The following ENG variants were observed in gnomAD, a reference collection of about 807,000 sequenced individuals.
ENG encodes the protein endoglin, also known as CD105 antigen.
Under a neutral mutation model 71.0 loss-of-function variants are expected in ENG, and 17 were observed. The ratio of observed to expected loss-of-function variants is 0.24; its 90% CI spans 0.16 to 0.36. ENG has a LOEUF of 0.36. Ranked by LOEUF, ENG falls within the 10% of genes least tolerant of loss-of-function variation. The pLI, the probability that ENG is intolerant of heterozygous loss-of-function variation, is 1.00. For synonymous variants in ENG, 360 were observed against 366.9 expected (o/e 0.98, Z 0.21); for missense variants, 749 against 868.3 (o/e 0.86, Z 1.73).
At chr9:127,819,552 G>T in intron 10 of ENG, 70 bp downstream of exon 10, 1 of 1,605,786 alleles carries the variant, frequency 6.2e-7, no homozygotes, top group Non-Finnish European at 8.5e-7. Flanking sequence ...TCCCTCCCAG[G>T]CCAGGAAGAG....
At chr9:127,826,140 A>G (rs946772152) in intron 4 of ENG, among the ~76,000 whole-genome samples, 3 of 152,098 alleles carry the variant, frequency 2.0e-5, no homozygotes, top group Non-Finnish European at 2.9e-5. Flanking sequence ...GAAATTATAG[A>G]TTTATCTGTG....
At chr9:127,850,227 T>C (rs1158455820) in intron 1 of ENG, among the ~76,000 whole-genome samples, 1 of 152,018 alleles carries the variant, frequency 6.6e-6, no homozygotes, top group African/African-American at 2.4e-5. Flanking sequence ...CGGCCTGGAG[T>C]TGAAATCTGG....
intron 3 of ENG, 75 bp downstream of exon 3, chr9:127,829,612 C>T: frequency 6.3e-7 from 1 of 1,595,226 alleles, no homozygotes; most frequent in Non-Finnish European, 8.6e-7. Flanking sequence ...GTGGGAGACC[C>T]TGACCCACAG....
At chr9:127,837,790 C>CCATG (rs1830939033) in intron 2 of ENG, among the ~76,000 whole-genome samples, 1 of 135,752 alleles carries the variant, frequency 7.4e-6, no homozygotes, top group Admixed American at 7.1e-5. Context: ...ATCCATCCAT[C>CCATG]CATCCATCCA....
intron 2 of ENG, among the ~76,000 whole-genome samples, chr9:127,839,787 C>T (rs1830983922): frequency 6.6e-6 from 1 of 152,114 alleles, no homozygotes; most frequent in Non-Finnish European, 1.5e-5. Context: ...AACTCCTGAC[C>T]TCAAGTGATC....
At chr9:127,823,005 T>C (rs1374347667) in intron 8 of ENG, among the ~76,000 whole-genome samples, 1 of 151,822 alleles carries the variant, frequency 6.6e-6, no homozygotes, top group African/African-American at 2.4e-5. Flanking sequence ...CACGTCCGGC[T>C]AATTTTTTCT....
chr9:127,843,063 C>G (rs763916270), intron 2 of ENG, 31 bp downstream of exon 2: 1 of 1,613,264 alleles, frequency 6.2e-7, no homozygotes, highest in Non-Finnish European at 8.5e-7. Context: ...TTCCTCTGAG[C>G]CCCCACCCGA....
In ENG at chr9:127,854,471, G is replaced by A. The variant is rs1829099806; in HGVS notation, c.-116C>T. On this transcript the variant is annotated 5_prime_UTR_variant, in exon 1 of 15. Transcript: ENST00000373203. ...GGGGACCCGAGGGGAGCAGGCGGCC[G>A]GAGCGACGGCGTCCCTGCTCCAGCC... The A allele has an allele frequency of 6.0e-6, 7 of 1,168,462 alleles. No individual in the cohort carries two copies. Among genetic ancestry groups the A allele is most frequent in the East Asian group, 5.4e-5 (2 of 37,320 alleles). The allele number at this position is 1,168,462 out of a possible 1,614,324, so 72.4% of individuals were successfully genotyped here. A position where few individuals can be genotyped will look rare whatever the true frequency, so the allele number is the denominator to read the frequency against.
At position 127,825,985 on chromosome 9, in the gene ENG, G is replaced by A. The variant is rs977177649; in HGVS notation, c.524-125C>T. 43 of 1,294,140 alleles carry A rather than the reference G, an allele frequency of 3.3e-5. No homozygotes were observed. The African/African-American group carries it at 4.3e-4, about 13-fold the overall frequency. The allele number at this position is 1,294,140 out of a possible 1,614,324, so 80.2% of individuals were successfully genotyped here. A position where few individuals can be genotyped will look rare whatever the true frequency, so the allele number is the denominator to read the frequency against. On this transcript the variant is annotated intron_variant, in intron 4 of 14. Transcript: ENST00000373203. Reference sequence around the variant, plus strand: ...GACGGTGCTGCAGAGGGGGAGAGGCGTCAGAGGACCTAGGTTCGAACTTCC... The same window carrying A: ...GACGGTGCTGCAGAGGGGGAGAGGCATCAGAGGACCTAGGTTCGAACTTCC...
intron 1 of ENG, among the ~76,000 whole-genome samples, chr9:127,849,624 G>C (rs965146734): frequency 6.6e-6 from 1 of 152,192 alleles, no homozygotes; most frequent in African/African-American, 2.4e-5. Flanking sequence ...GGCATAGATG[G>C]GGCTGCTGAA....
chr9:127,838,477 G>A lies in ENG; in HGVS notation c.219+4617C>T, dbSNP rs1224519646. ...GTCTGGGGGAGCTAAGGTCCCTCCC[G>A]GCTCTCTCTCTCTGCCTGAGTGGTG... On this transcript the variant is annotated intron_variant, in intron 2 of 14. Transcript: ENST00000373203. The surrounding 1 kb of genome is among the most constrained non-coding windows in gnomAD (Gnocchi z 4.3). Among the ~76,000 whole-genome samples, 6 of 152,056 alleles carry A rather than the reference G, an allele frequency of 3.9e-5. No individual in the cohort carries two copies. The highest frequency in any genetic ancestry group is 9.7e-5 in the African/African-American group (4 of 41,420).
intron 13 of ENG, chr9:127,816,258 G>C: frequency 1.5e-6 from 1 of 684,050 alleles, no homozygotes; most frequent in Non-Finnish European, 2.5e-6. Flanking sequence ...TGTCCACCTA[G>C]AGGGCCCAGC....
chr9:127,816,168 C>G (rs919597400), intron 13 of ENG, 115 bp from the exon 14 acceptor site: 1 of 1,286,786 alleles, frequency 7.8e-7, no homozygotes, highest in Non-Finnish European at 1.1e-6. Flanking sequence ...GGACCCTCGA[C>G]TTCTCTGAAC....
chr9:127,816,741 C>T, intron 13 of ENG: 1 of 307,966 alleles, frequency 3.2e-6, no homozygotes, highest in Admixed American at 4.3e-5. Context: ...CTGGGGGGAA[C>T]TGATGGAGAG....
chr9:127,820,108 G>C, intron 8 of ENG, 71 bp from the exon 9 acceptor site: 2 of 1,572,130 alleles, frequency 1.3e-6, no homozygotes, highest in Non-Finnish European at 1.7e-6. Flanking sequence ...CCAGCACCAA[G>C]GACTGACCAC....
chr9:127,816,157 T>C lies in ENG; in HGVS notation c.1742-104A>G, dbSNP rs1588572834. 2.3e-5 allele frequency: 32 copies of C among 1,413,504 alleles called. 1 individual carries two copies. In the East Asian group the frequency reaches 7.2e-4, roughly 32 times the overall value. 87.6% of individuals were successfully genotyped at this position (1,413,504 alleles called of 1,614,324 possible). On this transcript the variant is annotated intron_variant, in intron 13 of 14. Coordinates refer to ENST00000373203, the MANE Select transcript of ENG (RefSeq NM_001114753.3). ...CTTTGGTGCCAGCTCTGCTCAGCCA[T>C]GGACCCTCGACTTCTCTGAACCTCA...
rs1208829617 is a variant in ENG, at chr9:127,825,833, A to G, written c.551T>C (p.Leu184Pro). Residue 184 changes from leucine (L) to proline (P), a missense_variant, in exon 5 of 15, where the codon CTG becomes CCG. By Grantham distance (98) the Leu-to-Pro change is moderately conservative. Coordinates refer to ENST00000373203, the MANE Select transcript of ENG (RefSeq NM_001114753.3). Reference sequence around the variant, plus strand: ...GCGGCCCATGTCCTGGCTGGCTTCCAGCATGCAGAAGGACAGTGACCCCTG... The same window carrying G: ...GCGGCCCATGTCCTGGCTGGCTTCCGGCATGCAGAAGGACAGTGACCCCTG... ...QAQGSLSFCM[L>P]EASQDMGRTL... 1.9e-6 allele frequency: 3 copies of G among 1,596,750 alleles called. No individual in the cohort carries two copies. The highest frequency in any genetic ancestry group is 1.7e-6 in the Non-Finnish European group (2 of 1,172,362).
In ENG at chr9:127,826,615, A is replaced by G. The variant is rs1259261969; in HGVS notation, c.418T>C (p.Ser140Pro). 2 of 1,613,936 alleles carry G rather than the reference A, an allele frequency of 1.2e-6. No homozygotes were observed. Among genetic ancestry groups the G allele is most frequent in the Non-Finnish European group, 1.7e-6 (2 of 1,180,006 alleles). The change falls in exon 4 of 15, where the codon TCC (serine) becomes CCC (proline). Residue 140 changes from serine (S) to proline (P), a missense_variant. By Grantham distance (74) the Ser-to-Pro change is moderately conservative. Coordinates refer to ENST00000373203, the MANE Select transcript of ENG (RefSeq NM_001114753.3). ...TCAAGGATCTGGGTCTTGGGGAAGG[A>G]TGGCAGCTCTGTGGTGTTGACCCCC... ...PPGVNTTELP[S>P]FPKTQILEWA...
At chr9:127,843,281 A>AT in intron 1 of ENG, 36 bp from the exon 2 acceptor site, 2 of 1,613,870 alleles carry the variant, frequency 1.2e-6, no homozygotes, top group South Asian at 2.2e-5. Flanking sequence ...GCCAGGTGAG[A>AT]ATAAGGTGAT....
Sources: allele counts gnomAD v4.1 joint callset (sites outside exome capture counted in the v4.1 genomes callset), GRCh38; gene constraint gnomAD v4.1.1; non-coding constraint Gnocchi (gnomAD v3.1); transcripts MANE v1.5; gene names NCBI Gene and HGNC (gene_info 2026-07-23, HGNC 2026-07-21).